Variants in MNAT1 observed in about 807,000 individuals in gnomAD.
The protein encoded by MNAT1 is MNAT1 component of CDK activating kinase, also known as CDK-activating kinase assembly factor MAT1.
A neutral mutation model predicts 42.0 loss-of-function variants in MNAT1; 43 were observed. That is an observed-to-expected ratio of 1.02 (90% CI 0.80 to 1.32). The LOEUF is 1.32. Ranked by LOEUF, MNAT1 falls within the 40% of genes most tolerant of loss-of-function variation. The pLI, the probability that MNAT1 is intolerant of heterozygous loss-of-function variation, is 0.00. For missense variants in MNAT1, 306 were observed against 350.4 expected (o/e 0.87, Z 1.01); for synonymous variants, 118 against 120.0 (o/e 0.98, Z 0.11).
At chr14:60,784,340 A>G (rs2031572663) in intron 1 of MNAT1, among the ~76,000 whole-genome samples, 1 of 148,842 alleles carries the variant, frequency 6.7e-6, no homozygotes, top group Non-Finnish European at 1.5e-5. Flanking sequence ...CTAACTAAAA[A>G]CATTTTTTTT....
At chr14:60,848,355 G>A (rs1594799839) in intron 6 of MNAT1, among the ~76,000 whole-genome samples, 1 of 152,032 alleles carries the variant, frequency 6.6e-6, no homozygotes, top group South Asian at 2.1e-4. Context: ...TCATCTTTCT[G>A]TATTTTTAGG....
intron 1 of MNAT1, among the ~76,000 whole-genome samples, chr14:60,743,612 G>T (rs191210645): frequency 1.1e-4 from 16 of 152,292 alleles, no homozygotes; most frequent in African/African-American, 3.6e-4. Flanking sequence ...TATAGTGTAG[G>T]TGTGTTGGTG....
At chr14:60,889,589 A>G (rs1356659441) in intron 7 of MNAT1, among the ~76,000 whole-genome samples, 1 of 152,244 alleles carries the variant, frequency 6.6e-6, no homozygotes, top group Admixed American at 6.5e-5. Context: ...ACAAAAGCCA[A>G]AATTGACAAA....
At chr14:60,742,176 CAG>C (rs1302218308) in intron 1 of MNAT1, among the ~76,000 whole-genome samples, 2 of 152,028 alleles carry the variant, frequency 1.3e-5, no homozygotes, top group Admixed American at 1.3e-4. Context: ...ACCTTGAACT[CAG>C]GGGTTCAAGG....
In MNAT1 at chr14:60,747,280, T is replaced by G. The variant is rs544657557; in HGVS notation, c.89+12329T>G. ...ATTACAGGCGTGAGCCAATGCGCCC[T>G]GCCCAAAATTATGTCTTAATGATGG... On this transcript the variant is annotated intron_variant, in intron 1 of 7. Coordinates refer to ENST00000261245, the MANE Select transcript of MNAT1 (RefSeq NM_002431.4). 4.6e-5 allele frequency among the ~76,000 whole-genome samples: 7 copies of G among 152,108 alleles called. No homozygotes were observed. In the East Asian group the frequency reaches 5.8e-4, roughly 13 times the overall value.
chr14:60,761,158 C>T (rs1009238208), intron 1 of MNAT1, among the ~76,000 whole-genome samples: 2 of 152,048 alleles, frequency 1.3e-5, no homozygotes, highest in East Asian at 1.9e-4. Context: ...TGTGAAGCAA[C>T]GTGTACTGGC....
Position 60,876,797 on chromosome 14 carries a change from A to G in MNAT1, c.688-2917A>G, listed in dbSNP as rs189472311. On this transcript the variant is annotated intron_variant, in intron 6 of 7. Transcript: ENST00000261245. The stretch of plus-strand genomic sequence containing the variant: ...ATAATACTCTATTGTATTTATGTGT[A>G]TATACACACCACATATTGTTTATTC... 1.4e-3 allele frequency among the ~76,000 whole-genome samples: 218 copies of G among 152,212 alleles called. 4 individuals carry two copies. Among genetic ancestry groups the G allele is most frequent in the Admixed American group, 0.014 (210 of 15,270 alleles).
chr14:60,821,038 G>A (rs2032875047), intron 6 of MNAT1, among the ~76,000 whole-genome samples: 1 of 152,136 alleles, frequency 6.6e-6, no homozygotes, highest in Non-Finnish European at 1.5e-5. Context: ...ATACTGTTAA[G>A]AGAATACTTT....
rs1044984284 is a variant in MNAT1, at chr14:60,960,655, A to G, written c.810-7574A>G. ...CAGTTTTCTATTTCTCTGTGAGGGCATCTTCCCTGATCTATGTGATTATGT... is the reference window on the plus strand; with the variant it reads ...CAGTTTTCTATTTCTCTGTGAGGGCGTCTTCCCTGATCTATGTGATTATGT... On this transcript the variant is annotated intron_variant, in intron 7 of 7. Transcript: ENST00000261245. Among the ~76,000 whole-genome samples, 3 of 152,250 alleles carry G rather than the reference A, an allele frequency of 2.0e-5. No homozygotes were observed. The South Asian group carries it at 6.2e-4, about 32-fold the overall frequency.
At chr14:60,769,112 T>C (rs1212227771) in intron 1 of MNAT1, among the ~76,000 whole-genome samples, 1 of 152,198 alleles carries the variant, frequency 6.6e-6, no homozygotes, top group Admixed American at 6.5e-5. Flanking sequence ...TTTTCTATTA[T>C]ATTTTCTCCT....
At chr14:60,834,061 T>C (rs2033303054) in intron 6 of MNAT1, among the ~76,000 whole-genome samples, 1 of 152,178 alleles carries the variant, frequency 6.6e-6, no homozygotes, top group Non-Finnish European at 1.5e-5. Flanking sequence ...TTGATTCTTC[T>C]CTCTTGTTTA....
rs756357048 is a variant in MNAT1 at position 60,898,095 on chromosome 14, T to TTGTG, written c.809+18303_809+18306dup. Among the ~76,000 whole-genome samples the TTGTG allele has an allele frequency of 2.7e-3, 388 of 143,772 alleles. 3 individuals are homozygous for TTGTG. The highest frequency in any genetic ancestry group is 8.8e-3 in the African/African-American group (325 of 37,116). The allele number at this position is 143,772 out of a possible 152,430, so 94.3% of individuals were successfully genotyped here. Reference sequence around the variant, plus strand: ...CTTTGAATGGCTAAATAGTAATACATTGTGTGTGTGTGTGTGTGTGTGTGT... The same window carrying TTGTG: ...CTTTGAATGGCTAAATAGTAATACATTGTGTGTGTGTGTGTGTGTGTGTGTGTGT... On this transcript the variant is annotated intron_variant, in intron 7 of 7. Transcript: ENST00000261245.
intron 6 of MNAT1, among the ~76,000 whole-genome samples, chr14:60,860,765 G>C (rs1467327800): frequency 6.6e-6 from 1 of 152,080 alleles, no homozygotes; most frequent in Non-Finnish European, 1.5e-5. Context: ...ATTTAATATG[G>C]GGAGTCATAG....
At chr14:60,771,801 T>C (rs1324702773) in intron 1 of MNAT1, among the ~76,000 whole-genome samples, 1 of 152,226 alleles carries the variant, frequency 6.6e-6, no homozygotes, top group African/African-American at 2.4e-5. Flanking sequence ...GTTTTGCTTA[T>C]TGAAGTATTC....
chr14:60,961,495 C>A (rs1269679833), intron 7 of MNAT1, among the ~76,000 whole-genome samples: 1 of 152,118 alleles, frequency 6.6e-6, no homozygotes, highest in Non-Finnish European at 1.5e-5. Context: ...CCTTGCCTTC[C>A]TAGCTAATTT....
At chr14:60,962,878 TGTATTCTCACTAGCTGGCTA>T (rs1254642188) in intron 7 of MNAT1, among the ~76,000 whole-genome samples, 1 of 152,236 alleles carries the variant, frequency 6.6e-6, no homozygotes. Flanking sequence ...TTATTCAAAT[TGTATTCTCACTAGCTGGCTA>T]GATGGTAAAG....
chr14:60,786,368 A>G (rs957030161), intron 1 of MNAT1, among the ~76,000 whole-genome samples: 1 of 152,126 alleles, frequency 6.6e-6, no homozygotes, highest in Non-Finnish European at 1.5e-5. Context: ...GAACACTTAA[A>G]TTATGATTGC....
chr14:60,781,842 A>G (rs2031470936), intron 1 of MNAT1, among the ~76,000 whole-genome samples: 1 of 152,006 alleles, frequency 6.6e-6, no homozygotes, highest in Admixed American at 6.6e-5. Context: ...CCTTATCTAG[A>G]AAGCATTTAT....
intron 7 of MNAT1, among the ~76,000 whole-genome samples, chr14:60,890,587 C>T (rs892407431): frequency 2.0e-5 from 3 of 152,138 alleles, no homozygotes; most frequent in Non-Finnish European, 2.9e-5. Context: ...GTAGGGAAGC[C>T]GACAGAGCAG....
Sources: allele counts gnomAD v4.1 joint callset (sites outside exome capture counted in the v4.1 genomes callset), GRCh38; gene constraint gnomAD v4.1.1; transcripts MANE v1.5; gene names NCBI Gene and HGNC (gene_info 2026-07-23, HGNC 2026-07-21).